NRG3: variants seen among roughly 807,000 people sequenced by gnomAD.
NRG3 encodes the protein neuregulin 3.
NRG3 carries 31 observed loss-of-function variants against 66.9 expected under a neutral mutation model. The ratio of observed to expected loss-of-function variants is 0.46; its 90% CI spans 0.35 to 0.63. The LOEUF (loss-of-function observed/expected upper bound fraction) is 0.63, where lower values mean the gene tolerates loss of function less well. Ranked by LOEUF, NRG3 falls within the 20% of genes least tolerant of loss-of-function variation. NRG3 has a pLI of 0.00. For missense variants in NRG3, 910 were observed against 878.9 expected (o/e 1.04, Z -0.45); for synonymous variants, 393 against 359.4 (o/e 1.09, Z -1.06).
chr10:82,198,557 G>A (rs2074574648), intron 1 of NRG3, among the ~76,000 whole-genome samples: 1 of 152,066 alleles, frequency 6.6e-6, no homozygotes, highest in South Asian at 2.1e-4. Context: ...TATCAACCTA[G>A]GTTAATTGGG....
At chr10:81,976,669 C>A (rs1375405503) in intron 1 of NRG3, among the ~76,000 whole-genome samples, 1 of 152,038 alleles carries the variant, frequency 6.6e-6, no homozygotes, top group Non-Finnish European at 1.5e-5. Context: ...AAACTGTCAC[C>A]CAAATGAAGA....
intron 1 of NRG3, among the ~76,000 whole-genome samples, chr10:82,333,013 A>C (rs1456978293): frequency 6.6e-6 from 1 of 152,242 alleles, no homozygotes; most frequent in Non-Finnish European, 1.5e-5. Context: ...GTTTTTGAAC[A>C]TAATTTTTCA....
intron 1 of NRG3, among the ~76,000 whole-genome samples, chr10:82,148,804 C>T (rs904646747): frequency 4.6e-5 from 7 of 152,110 alleles, no homozygotes; most frequent in African/African-American, 1.7e-4. Context: ...CCTGGCTGAA[C>T]AACCCCAATT....
At chr10:82,488,846 G>A (rs1483287005) in intron 2 of NRG3, among the ~76,000 whole-genome samples, 2 of 152,032 alleles carry the variant, frequency 1.3e-5, no homozygotes, top group Non-Finnish European at 2.9e-5. Flanking sequence ...ATACCATAGG[G>A]TCTCAAATAT....
chr10:82,045,978 G>T (rs1254113181), intron 1 of NRG3, among the ~76,000 whole-genome samples: 4 of 150,820 alleles, frequency 2.7e-5, no homozygotes, highest in Non-Finnish European at 4.4e-5. Flanking sequence ...TAGTCTTGTA[G>T]TATAGTTTGA....
At chr10:82,832,524 T>C (rs1334911805) in intron 3 of NRG3, among the ~76,000 whole-genome samples, 1 of 151,942 alleles carries the variant, frequency 6.6e-6, no homozygotes, top group Non-Finnish European at 1.5e-5. Flanking sequence ...ATTAAGGGAG[T>C]CTATATTCAT....
intron 3 of NRG3, among the ~76,000 whole-genome samples, chr10:82,842,588 G>T (rs138105571): frequency 2.6e-5 from 4 of 152,208 alleles, no homozygotes; most frequent in Admixed American, 2.0e-4. Context: ...GGGCTTTTCT[G>T]CTTTGTTCAA....
chr10:82,123,598 A>T (rs2132398706), intron 1 of NRG3, among the ~76,000 whole-genome samples: 1 of 152,266 alleles, frequency 6.6e-6, no homozygotes, highest in Middle Eastern at 3.4e-3. Flanking sequence ...TTGCCCTCAA[A>T]CAGTCTCCCT....
At chr10:82,936,274 A>C (rs1043615386) in intron 4 of NRG3, among the ~76,000 whole-genome samples, 1 of 152,226 alleles carries the variant, frequency 6.6e-6, no homozygotes, top group African/African-American at 2.4e-5. Flanking sequence ...CAGCAAGACC[A>C]TGTGCAAGTC....
At position 82,091,529 on chromosome 10, in the gene NRG3, C is replaced by T. The variant is rs78570157; in HGVS notation, c.823+215366C>T. 6.2e-3 allele frequency among the ~76,000 whole-genome samples: 947 copies of T among 152,240 alleles called. 13 individuals are homozygous for T. The highest frequency in any genetic ancestry group is 0.022 in the African/African-American group (910 of 41,544). On this transcript the variant is annotated intron_variant, in intron 1 of 8. Transcript: ENST00000372141. ...TTTAAGGCTGAATTGGATTCCATTGCATGCATATACCACACTTTATCTGTT... is the reference window on the plus strand; with the variant it reads ...TTTAAGGCTGAATTGGATTCCATTGTATGCATATACCACACTTTATCTGTT...
At chr10:82,366,203 C>T (rs1339721000) in intron 2 of NRG3, among the ~76,000 whole-genome samples, 1 of 152,080 alleles carries the variant, frequency 6.6e-6, no homozygotes, top group Non-Finnish European at 1.5e-5. Context: ...GAATTGAAAG[C>T]AACATATAGA....
At position 82,221,709 on chromosome 10, in the gene NRG3, A is replaced by G. The variant is rs191863463; in HGVS notation, c.824-137030A>G. On this transcript the variant is annotated intron_variant, in intron 1 of 8. Transcript: ENST00000372141. ...AAACAAGTGATTTCATGTAGGTGCT[A>G]TAGAATCTTTAACCAAACCACAGGC... Among the ~76,000 whole-genome samples the G allele has an allele frequency of 1.6e-4, 24 of 152,334 alleles. No homozygotes were observed. In the East Asian group the frequency reaches 4.6e-3, roughly 29 times the overall value.
At chr10:82,761,946 TTC>T (rs1460164109) in intron 3 of NRG3, among the ~76,000 whole-genome samples, 6 of 145,912 alleles carry the variant, frequency 4.1e-5, no homozygotes, top group Non-Finnish European at 1.5e-5. Context: ...CTTTCTTTCT[TTC>T]TTTCTTTCTT....
chr10:82,905,122 G>T (rs1844601289), intron 4 of NRG3, among the ~76,000 whole-genome samples: 1 of 152,090 alleles, frequency 6.6e-6, no homozygotes, highest in Admixed American at 6.6e-5. Flanking sequence ...GTGGGTGTCT[G>T]TCCAATTTGG....
At chr10:82,626,207 G>A (rs2049409342) in intron 2 of NRG3, among the ~76,000 whole-genome samples, 1 of 152,164 alleles carries the variant, frequency 6.6e-6, no homozygotes, top group Non-Finnish European at 1.5e-5. Flanking sequence ...CACTTTTATA[G>A]ATGATCAATT....
intron 2 of NRG3, among the ~76,000 whole-genome samples, chr10:82,605,155 A>G (rs1413196595): frequency 6.6e-6 from 1 of 152,026 alleles, no homozygotes; most frequent in African/African-American, 2.4e-5. Flanking sequence ...CTCATCATTA[A>G]GTATGTTGTT....
At chr10:82,277,434 T>C (rs1310616674) in intron 1 of NRG3, among the ~76,000 whole-genome samples, 2 of 152,104 alleles carry the variant, frequency 1.3e-5, no homozygotes, top group African/African-American at 4.8e-5. Flanking sequence ...TACTTATAGA[T>C]AATTCAGGCA....
At position 82,491,293 on chromosome 10, in the gene NRG3, A is replaced by AATATATATATATATATATACATATATAT. The variant is rs1554942716; in HGVS notation, c.953+132444_953+132445insCATATATATATATATATATATATATATA. On this transcript the variant is annotated intron_variant, in intron 2 of 8. Transcript: ENST00000372141. ...GATTCTGCCTATGCTGTTCCCATAAAATATATATATATATATATATATAAA... is the reference window on the plus strand; with the variant it reads ...GATTCTGCCTATGCTGTTCCCATAAAATATATATATATATATATACATATATATATATATATATATATATATATATAAA... Among the ~76,000 whole-genome samples, 97 of 82,122 alleles carry AATATATATATATATATATACATATATAT rather than the reference A, an allele frequency of 1.2e-3. 1 individual carries two copies. The highest frequency in any genetic ancestry group is 1.7e-3 in the Non-Finnish European group (60 of 35,832). 53.9% of individuals were successfully genotyped at this position (82,122 alleles called of 152,430 possible).
intron 1 of NRG3, among the ~76,000 whole-genome samples, chr10:82,354,855 A>G (rs2083675992): frequency 6.6e-6 from 1 of 152,176 alleles, no homozygotes; most frequent in African/African-American, 2.4e-5. Context: ...TGTGGAGAGA[A>G]TGATGTCTGA....
Sources: gnomAD v4.1 joint callset for allele counts (sites outside exome capture counted in the v4.1 genomes callset) on GRCh38, gnomAD v4.1.1 for gene constraint, MANE v1.5 for transcripts, NCBI Gene and HGNC (gene_info 2026-07-23, HGNC 2026-07-21) for gene names.